The following TRAF3 variants were observed in gnomAD, a reference collection of about 807,000 sequenced individuals.
TRAF3 encodes the protein TNF receptor associated factor 3.
Under a neutral mutation model 62.3 loss-of-function variants are expected in TRAF3, and 13 were observed. The ratio of observed to expected loss-of-function variants is 0.21; its 90% CI spans 0.14 to 0.33. The LOEUF (loss-of-function observed/expected upper bound fraction) is 0.33, where lower values mean the gene tolerates loss of function less well. TRAF3 is among the 10% of genes least tolerant of loss of function. The pLI is 1.00. For missense variants in TRAF3, 440 were observed against 741.8 expected (o/e 0.59, Z 4.73); for synonymous variants, 269 against 283.4 (o/e 0.95, Z 0.51).
chr14:102,835,924 A>G (rs1236602003), intron 2 of TRAF3, among the ~76,000 whole-genome samples: 2 of 152,146 alleles, frequency 1.3e-5, no homozygotes, highest in African/African-American at 4.8e-5. Flanking sequence ...AAAAAAAATA[A>G]TTTGGGCACG....
intron 1 of TRAF3, among the ~76,000 whole-genome samples, chr14:102,825,960 G>C (rs933239383): frequency 2.6e-5 from 4 of 152,210 alleles, no homozygotes; most frequent in Non-Finnish European, 4.4e-5. Flanking sequence ...TTCCCTGTCA[G>C]GAATTTACGC....
At chr14:102,884,172 T>C (rs1889230574) in intron 6 of TRAF3, among the ~76,000 whole-genome samples, 1 of 152,222 alleles carries the variant, frequency 6.6e-6, no homozygotes, top group African/African-American at 2.4e-5. Flanking sequence ...TCTCAGTTTC[T>C]GGAGCCACCA....
At chr14:102,793,769 A>G (rs1897927044) in intron 1 of TRAF3, among the ~76,000 whole-genome samples, 1 of 152,196 alleles carries the variant, frequency 6.6e-6, no homozygotes, top group African/African-American at 2.4e-5. Context: ...TGCTTCCTTC[A>G]TTTCATGAAA....
At chr14:102,842,770 G>A (rs753253602) in intron 2 of TRAF3, among the ~76,000 whole-genome samples, 51 of 152,224 alleles carry the variant, frequency 3.4e-4, no homozygotes, top group Non-Finnish European at 5.6e-4. Flanking sequence ...TAATAACAGC[G>A]ATTCCTGGTC....
chr14:102,805,630 C>G (rs1169445628), intron 1 of TRAF3, among the ~76,000 whole-genome samples: 2 of 152,148 alleles, frequency 1.3e-5, no homozygotes, highest in Non-Finnish European at 2.9e-5. Flanking sequence ...GCAGCCAGCT[C>G]GGTGATTCCA....
intron 2 of TRAF3, among the ~76,000 whole-genome samples, chr14:102,831,194 A>G (rs535339520): frequency 1.2e-4 from 19 of 152,224 alleles, no homozygotes; most frequent in Admixed American, 3.9e-4. Context: ...GTATGGCCCA[A>G]TGGTGCTATG....
At chr14:102,870,566 A>G (rs556373892) in intron 3 of TRAF3, 120 bp downstream of exon 3, 2 of 1,379,366 alleles carry the variant, frequency 1.4e-6, no homozygotes, top group South Asian at 2.6e-5. Context: ...GAAGTCCATA[A>G]AAGCCTCCGG....
intron 1 of TRAF3, among the ~76,000 whole-genome samples, chr14:102,805,508 T>C (rs1898713198): frequency 6.6e-6 from 1 of 152,210 alleles, no homozygotes; most frequent in Non-Finnish European, 1.5e-5. Flanking sequence ...GACTCACCGC[T>C]GGACTCCAAG....
chr14:102,910,801 C>T lies in TRAF3; in HGVS notation c.*5017C>T, dbSNP rs1890829568. 6.6e-6 allele frequency: 1 copy of T among 152,182 alleles called. No homozygotes were observed. The highest frequency in any genetic ancestry group is 2.4e-5 in the African/African-American group (1 of 41,430). The allele number at this position is 152,182 out of a possible 1,614,324, so 9.4% of individuals were successfully genotyped here. A position where few individuals can be genotyped will look rare whatever the true frequency, so the allele number is the denominator to read the frequency against. The stretch of plus-strand genomic sequence containing the variant: ...CTCACCGTGAAAAGAGGCTAGAAGT[C>T]CAGGATCGCTGTACCGCTCCTGTAA... On this transcript the variant is annotated 3_prime_UTR_variant, in exon 12 of 12. Coordinates refer to ENST00000392745, the MANE Select transcript of TRAF3 (RefSeq NM_145725.3).
intron 9 of TRAF3, among the ~76,000 whole-genome samples, chr14:102,893,404 A>AAT (rs397939689): frequency 1.7e-4 from 25 of 150,964 alleles, no homozygotes; most frequent in South Asian, 1.0e-3. Context: ...AAAAAAAAAA[A>AAT]GGAATGGGCT....
chr14:102,806,149 A>G (rs1043235825), intron 1 of TRAF3, among the ~76,000 whole-genome samples: 2 of 152,218 alleles, frequency 1.3e-5, no homozygotes, highest in African/African-American at 4.8e-5. Context: ...TGCAGTGCTC[A>G]GCATATCCCT....
chr14:102,876,594 T>C, intron 6 of TRAF3, 69 bp downstream of exon 6: 1 of 1,573,266 alleles, frequency 6.4e-7, no homozygotes, highest in African/African-American at 1.4e-5. Flanking sequence ...GGCCTTCCGC[T>C]CAATTCGTAG....
rs568902244 is a variant in TRAF3, at chr14:102,826,847, C to T, written c.-156-3487C>T. Reference sequence around the variant, plus strand: ...GACAGCTGTTACTTATGGGTGGCGGCGTGGTGAGGTCGCACAACACAGAGC... The same window carrying T: ...GACAGCTGTTACTTATGGGTGGCGGTGTGGTGAGGTCGCACAACACAGAGC... On this transcript the variant is annotated intron_variant, in intron 1 of 11. Coordinates refer to ENST00000392745, the MANE Select transcript of TRAF3 (RefSeq NM_145725.3). The surrounding 1 kb of genome is among the most constrained non-coding windows in gnomAD (Gnocchi z 4.6). Among the ~76,000 whole-genome samples, 2 of 152,242 alleles carry T rather than the reference C, an allele frequency of 1.3e-5. No individual in the cohort carries two copies. The highest frequency in any genetic ancestry group is 1.9e-4 in the East Asian group (1 of 5,178).
intron 2 of TRAF3, among the ~76,000 whole-genome samples, chr14:102,841,475 T>C (rs1413997431): frequency 1.3e-5 from 2 of 152,218 alleles, no homozygotes; most frequent in African/African-American, 2.4e-5. Flanking sequence ...TTTTCATCTT[T>C]GTTAGCGTGG....
At position 102,826,675 on chromosome 14, in the gene TRAF3, T is replaced by G. The variant is rs1038236683; in HGVS notation, c.-156-3659T>G. 3.9e-5 allele frequency among the ~76,000 whole-genome samples: 6 copies of G among 152,108 alleles called. No individual in the cohort carries two copies. The highest frequency in any genetic ancestry group is 1.2e-4 in the African/African-American group (5 of 41,436). ...TAGAATTGGGGAGTGACCAGTAGAT[T>G]CTTTAATTTGTTTATTCATTCGTGC... On this transcript the variant is annotated intron_variant, in intron 1 of 11. Transcript: ENST00000392745. This position sits in a 1 kb window ranked among gnomAD's most constrained non-coding sequence, Gnocchi z 4.6.
At chr14:102,884,245 G>A (rs1024511666) in intron 6 of TRAF3, among the ~76,000 whole-genome samples, 2 of 152,146 alleles carry the variant, frequency 1.3e-5, no homozygotes, top group African/African-American at 4.8e-5. Flanking sequence ...CCATGTTCAC[G>A]TGGCCGTCTT....
intron 1 of TRAF3, among the ~76,000 whole-genome samples, chr14:102,820,468 A>G (rs948555712): frequency 6.6e-6 from 1 of 150,698 alleles, no homozygotes; most frequent in Non-Finnish European, 1.5e-5. Context: ...CTGACTTTTT[A>G]AATATAATGA....
rs1396953586 is a variant in TRAF3, at chr14:102,777,598, G to A, written c.-234G>A. On this transcript the variant is annotated 5_prime_UTR_variant, in exon 1 of 12. Coordinates refer to ENST00000392745, the MANE Select transcript of TRAF3 (RefSeq NM_145725.3). ...CCCGCCCCCCGCCATGGGGCAGCCC[G>A]GGGAGCAGAACGCTGCGGACCGCGG... is the stretch of plus-strand genomic sequence containing the variant. 2 of 145,172 alleles carry A rather than the reference G, an allele frequency of 1.4e-5. No individual in the cohort carries two copies. Among genetic ancestry groups the A allele is most frequent in the Non-Finnish European group, 3.1e-5 (2 of 65,260 alleles). 9.0% of individuals were successfully genotyped at this position (145,172 alleles called of 1,614,324 possible).
At chr14:102,830,673 G>A (rs1278674223) in intron 2 of TRAF3, among the ~76,000 whole-genome samples, 6 of 152,174 alleles carry the variant, frequency 3.9e-5, no homozygotes, top group African/African-American at 1.4e-4. Context: ...CATGACCTCT[G>A]CCCTTAACGC....
Sources: allele counts gnomAD v4.1 joint callset (sites outside exome capture counted in the v4.1 genomes callset), GRCh38; gene constraint gnomAD v4.1.1; non-coding constraint Gnocchi (gnomAD v3.1); transcripts MANE v1.5; gene names NCBI Gene and HGNC (gene_info 2026-07-23, HGNC 2026-07-21).